The following WNK2 variants were observed in gnomAD, a reference collection of about 807,000 sequenced individuals.
WNK2 encodes the protein WNK lysine deficient protein kinase 2.
In WNK2, 67 loss-of-function variants were observed where a neutral mutation model predicts 192.1. That is an observed-to-expected ratio of 0.35 (90% CI 0.29 to 0.43). The LOEUF is 0.43. WNK2 is among the 20% of genes least tolerant of loss of function. WNK2 has a pLI of 1.00. For missense variants in WNK2, 2,698 were observed against 3,089.7 expected (o/e 0.87, Z 3.01); for synonymous variants, 1,439 against 1,393.9 (o/e 1.03, Z -0.72).
chr9:93,256,608 G>T, intron 10 of WNK2, 154 bp downstream of exon 10: 1 of 924,092 alleles, frequency 1.1e-6, no homozygotes. Flanking sequence ...GGATGGGAGT[G>T]ACTCTCGTAT....
rs1404302479 is a variant in WNK2, at chr9:93,256,446, G to C, written c.2182G>C (p.Gly728Arg). Residue 728 changes from glycine (G) to arginine (R), a missense_variant, in exon 10 of 30, where the codon GGC becomes CGC. By Grantham distance (125) the Gly-to-Arg change is moderately radical. This residue lies in a region of WNK2 where 893 missense variants were observed against 909.0 expected (regional missense o/e 0.98). Transcript: ENST00000427277. ...GGGCCCAGGCCAGCCAGCACCCCCC[G>C]GCCAGCAGGTGAGTGTGGCACCTCC... ...PTGPGQPAPP[G>R]QQPPPLAQPT... is the part of the protein sequence containing the mutation. The C allele has an allele frequency of 9.2e-6, 14 of 1,525,674 alleles. No homozygotes were observed. The highest frequency in any genetic ancestry group is 2.8e-5 in the African/African-American group (2 of 72,542). The allele number at this position is 1,525,674 out of a possible 1,614,324, so 94.5% of individuals were successfully genotyped here.
chr9:93,195,279 G>A (rs1831036565), intron 2 of WNK2, among the ~76,000 whole-genome samples: 1 of 152,042 alleles, frequency 6.6e-6, no homozygotes, highest in South Asian at 2.1e-4. Context: ...TAATAATAGG[G>A]GAACCTGTGT....
In WNK2 at chr9:93,194,654, T is replaced by A. The variant is rs569941913; in HGVS notation, c.681+9044T>A. 6.7e-4 allele frequency among the ~76,000 whole-genome samples: 102 copies of A among 152,336 alleles called. 1 individual carries two copies. Among genetic ancestry groups the A allele is most frequent in the African/African-American group, 2.3e-3 (95 of 41,568 alleles). On this transcript the variant is annotated intron_variant, in intron 2 of 29. Transcript: ENST00000427277. The stretch of plus-strand genomic sequence containing the variant: ...TTTGGAAGGTCTTTTGGTAGTTTCT[T>A]ATAAAACTAAACACACTCTTACTAT...
At chr9:93,195,521 A>G (rs1240171974) in intron 2 of WNK2, among the ~76,000 whole-genome samples, 1 of 152,004 alleles carries the variant, frequency 6.6e-6, no homozygotes, top group Non-Finnish European at 1.5e-5. Flanking sequence ...CAACATGGTG[A>G]AAACCTGTCT....
rs528861693 is a variant in WNK2, at chr9:93,239,213, C to G, written c.1323-544C>G. On this transcript the variant is annotated intron_variant, in intron 6 of 29. Transcript: ENST00000427277. This position sits in a 1 kb window ranked among gnomAD's most constrained non-coding sequence, Gnocchi z 4.2. ...AGGCTGGGTCTGGCTGGGGCCCCCC[C>G]AGTTCTGCAGGTCCTCACTCTCCTC... 5.3e-5 allele frequency among the ~76,000 whole-genome samples: 8 copies of G among 152,220 alleles called. No individual in the cohort carries two copies. The highest frequency in any genetic ancestry group is 8.8e-5 in the Non-Finnish European group (6 of 68,040).
chr9:93,241,217 C>T (rs752051272), intron 7 of WNK2, among the ~76,000 whole-genome samples: 4 of 152,196 alleles, frequency 2.6e-5, no homozygotes, highest in Non-Finnish European at 5.9e-5. Flanking sequence ...TTAAGTCAGA[C>T]AACTTGATAC....
intron 2 of WNK2, among the ~76,000 whole-genome samples, chr9:93,216,748 C>CGCACCACT (rs377285858): frequency 1.8e-3 from 265 of 150,714 alleles, no homozygotes; most frequent in Admixed American, 5.9e-3. Context: ...AAACCAAGAT[C>CGCACCACT]GCACCACTGC....
chr9:93,281,987 G>A (rs1240448686), intron 19 of WNK2, among the ~76,000 whole-genome samples: 1 of 152,176 alleles, frequency 6.6e-6, no homozygotes, highest in Non-Finnish European at 1.5e-5. Flanking sequence ...AATATTTTTA[G>A]ACAGAAGAAC....
chr9:93,270,001 G>A (rs1286503919), intron 19 of WNK2, among the ~76,000 whole-genome samples: 1 of 152,250 alleles, frequency 6.6e-6, no homozygotes. Context: ...ACATAGGGAT[G>A]TGAACCTAGT....
intron 7 of WNK2, among the ~76,000 whole-genome samples, chr9:93,244,106 G>A (rs1348745486): frequency 6.6e-6 from 1 of 152,234 alleles, no homozygotes; most frequent in Non-Finnish European, 1.5e-5. Flanking sequence ...ACAAACAAAA[G>A]TCCCTGAGAT....
At position 93,257,091 on chromosome 9, in the gene WNK2, C is replaced by T. The variant is rs775593790; in HGVS notation, c.2334C>T (p.Leu778=). The T allele has an allele frequency of 3.1e-6, 5 of 1,608,634 alleles. No individual in the cohort carries two copies. Among genetic ancestry groups the T allele is most frequent in the African/African-American group, 1.3e-5 (1 of 74,686 alleles). ...QVGAPAQLKP[L]QMPQAPLQPL... is the part of the protein sequence containing the mutation. ...GGGCCCCCGCTCAGCTGAAGCCCCT[C>T]CAGATGCCACAGGCGCCCCTGCAGC... The change falls in exon 11 of 30, where the codon CTC becomes CTT. Residue 778 remains leucine, a synonymous_variant. Coordinates refer to ENST00000427277, the MANE Select transcript of WNK2 (RefSeq NM_006648.4). This position sits in a 1 kb window ranked among gnomAD's most constrained non-coding sequence, Gnocchi z 4.7.
chr9:93,217,992 C>T (rs1836061124), intron 2 of WNK2, among the ~76,000 whole-genome samples: 1 of 147,048 alleles, frequency 6.8e-6, no homozygotes, highest in Non-Finnish European at 1.5e-5. Context: ...TCCTCATTGC[C>T]CAGAGCTACA....
chr9:93,283,092 AATG>A (rs748479998), intron 19 of WNK2, among the ~76,000 whole-genome samples: 25 of 152,342 alleles, frequency 1.6e-4, no homozygotes, highest in African/African-American at 5.3e-4. Context: ...AAACATTCTG[AATG>A]ATGATATGAA....
intron 26 of WNK2, among the ~76,000 whole-genome samples, chr9:93,302,925 CTT>C (rs34834891): frequency 6.8e-6 from 1 of 148,060 alleles, no homozygotes. Flanking sequence ...AGCAGTCTCC[CTT>C]TTTTTTTTTG....
At chr9:93,263,225 G>A (rs1844579452) in intron 14 of WNK2, 1 of 434,664 alleles carries the variant, frequency 2.3e-6, no homozygotes, top group African/African-American at 2.0e-5. Flanking sequence ...AAACGGATTG[G>A]CCTCACAACA....
rs149591094 is a variant in WNK2, at chr9:93,305,621, A to T, written c.6215-1156A>T. On this transcript the variant is annotated intron_variant, in intron 26 of 29. Transcript: ENST00000427277. ...GTTGAGCTAGGTTTCCAAGTCCAGG[A>T]TGCACAACTCAGGCCGAGCTTGGGC... 5.0e-3 allele frequency among the ~76,000 whole-genome samples: 762 copies of T among 152,354 alleles called. 4 individuals carry two copies. The highest frequency in any genetic ancestry group is 0.017 in the Middle Eastern group (5 of 294).
intron 8 of WNK2, among the ~76,000 whole-genome samples, chr9:93,250,308 T>G (rs1842397594): frequency 6.6e-6 from 1 of 152,182 alleles, no homozygotes; most frequent in Admixed American, 6.5e-5. Context: ...TGGACACATA[T>G]GTACACATGT....
Position 93,252,958 on chromosome 9 carries a change from T to G in WNK2, c.1910T>G (p.Leu637Arg). The G allele has an allele frequency of 6.3e-7, 1 of 1,577,486 alleles. No individual in the cohort carries two copies. Among genetic ancestry groups the G allele is most frequent in the South Asian group, 1.2e-5 (1 of 85,768 alleles). Reference protein sequence around the residue: ...DSQSSQQSVMLGSLADAAPSP... With the variant: ...DSQSSQQSVMRGSLADAAPSP... ...CAGAGCAGCCAGCAGAGCGTGATGC[T>G]TGGCTCCCTTGCCGACGCAGCGCCG... Residue 637 changes from leucine to arginine, a missense_variant, in exon 9 of 30, where the codon CTT becomes CGT. Leu to Arg is a moderately radical substitution (Grantham distance 102). Coordinates refer to ENST00000427277, the MANE Select transcript of WNK2 (RefSeq NM_006648.4).
intron 14 of WNK2, among the ~76,000 whole-genome samples, chr9:93,262,990 A>G (rs1844545617): frequency 1.3e-5 from 2 of 152,056 alleles, no homozygotes; most frequent in African/African-American, 4.8e-5. Context: ...CAGAACGGAG[A>G]GGCTATGGGC....
Sources: allele counts gnomAD v4.1 joint callset (sites outside exome capture counted in the v4.1 genomes callset), GRCh38; gene constraint gnomAD v4.1.1; regional missense constraint gnomAD v4.1.1; non-coding constraint Gnocchi (gnomAD v3.1); transcripts MANE v1.5; gene names NCBI Gene and HGNC (gene_info 2026-07-23, HGNC 2026-07-21).